CHUK: variants seen among roughly 807,000 people sequenced by gnomAD.
CHUK encodes the protein component of inhibitor of nuclear factor kappa B kinase complex.
CHUK carries 35 observed loss-of-function variants against 104.8 expected under a neutral mutation model. That is an observed-to-expected ratio of 0.33 (90% CI 0.26 to 0.44). The LOEUF is 0.44. CHUK is among the 20% of genes least tolerant of loss of function. CHUK has a pLI of 1.00. For synonymous variants in CHUK, 276 were observed against 291.9 expected (o/e 0.95, Z 0.56); for missense variants, 663 against 902.7 (o/e 0.73, Z 3.40).
chr10:100,205,934 CAAAA>C (rs1564834716), intron 11 of CHUK, among the ~76,000 whole-genome samples: 1 of 151,962 alleles, frequency 6.6e-6, no homozygotes, highest in African/African-American at 2.4e-5. Flanking sequence ...ATCTCAAAAA[CAAAA>C]CAAAAACAAA....
intron 19 of CHUK, 38 bp from the exon 20 acceptor site, chr10:100,191,006 A>G (rs772614895): frequency 1.7e-6 from 2 of 1,206,532 alleles, no homozygotes; most frequent in Non-Finnish European, 2.5e-6. Flanking sequence ...CAAACTCAGG[A>G]AAAGGGCATA....
chr10:100,221,304 G>A (rs916037730), intron 4 of CHUK, among the ~76,000 whole-genome samples: 34 of 152,080 alleles, frequency 2.2e-4, no homozygotes, highest in African/African-American at 7.2e-4. Flanking sequence ...GTGTGATGGC[G>A]GGCACCTGTA....
At chr10:100,187,492 G>A (rs1303246365), downstream of CHUK, 1 of 152,116 alleles carries the variant, frequency 6.6e-6, no homozygotes, top group Non-Finnish European at 1.5e-5. Flanking sequence ...CTTCCAAAAA[G>A]CAAAAAGAAT....
In CHUK at chr10:100,189,462, T is replaced by G. The variant is rs902053866; in HGVS notation, c.*136A>C. The G allele has an allele frequency of 5.4e-6, 4 of 747,494 alleles. No homozygotes were observed. Among genetic ancestry groups the G allele is most frequent in the Non-Finnish European group, 9.8e-6 (4 of 406,660 alleles). The allele number at this position is 747,494 out of a possible 1,614,324, so 46.3% of individuals were successfully genotyped here. A position where few individuals can be genotyped will look rare whatever the true frequency, so the allele number is the denominator to read the frequency against. ...TAAAATCATGTTCTTCTGATCATAGTAGAAATGTAGTTTCTGTTCATAGCC... is the reference window on the plus strand; with the variant it reads ...TAAAATCATGTTCTTCTGATCATAGGAGAAATGTAGTTTCTGTTCATAGCC... On this transcript the variant is annotated 3_prime_UTR_variant, in exon 21 of 21. Transcript: ENST00000370397.
chr10:100,202,666 T>C (rs1431761907), intron 13 of CHUK, among the ~76,000 whole-genome samples: 3 of 152,224 alleles, frequency 2.0e-5, no homozygotes, highest in Non-Finnish European at 4.4e-5. Context: ...TATGGGATTT[T>C]GTTATGGAAC....
chr10:100,199,293 C>T (rs1259668982), intron 16 of CHUK, among the ~76,000 whole-genome samples: 1 of 152,130 alleles, frequency 6.6e-6, no homozygotes, highest in Non-Finnish European at 1.5e-5. Flanking sequence ...CATACCTGAA[C>T]CCACTGCCTC....
intron 13 of CHUK, among the ~76,000 whole-genome samples, chr10:100,203,408 A>G (rs1205914215): frequency 6.6e-6 from 1 of 151,710 alleles, no homozygotes; most frequent in African/African-American, 2.4e-5. Flanking sequence ...AATGTCAATA[A>G]TATACAAATA....
At chr10:100,214,144 G>A (rs1250545553) in intron 9 of CHUK, among the ~76,000 whole-genome samples, 1 of 152,076 alleles carries the variant, frequency 6.6e-6, no homozygotes, top group Non-Finnish European at 1.5e-5. Flanking sequence ...ATGTCATCAT[G>A]GCATCTCACT....
In CHUK at chr10:100,193,048, T is replaced by C. The variant is rs893762564; in HGVS notation, c.2108+250A>G. 6 of 503,948 alleles carry C rather than the reference T, an allele frequency of 1.2e-5. No homozygotes were observed. The Admixed American group carries it at 2.0e-4, about 17-fold the overall frequency. The allele number at this position is 503,948 out of a possible 1,614,324, so 31.2% of individuals were successfully genotyped here. A position where few individuals can be genotyped will look rare whatever the true frequency, so the allele number is the denominator to read the frequency against. On this transcript the variant is annotated intron_variant, in intron 19 of 20. Coordinates refer to ENST00000370397, the MANE Select transcript of CHUK (RefSeq NM_001278.5). ...ATAATACGCAACATTTGCTGAACAT[T>C]TATTTCCCAAGCACTTTATATACAT...
intron 16 of CHUK, chr10:100,195,257 ATAAT>A (rs1303633596): frequency 3.3e-5 from 5 of 152,238 alleles, no homozygotes; most frequent in Non-Finnish European, 7.3e-5. Flanking sequence ...TCTTTGGACA[ATAAT>A]TAAGCCTAAA....
intron 13 of CHUK, among the ~76,000 whole-genome samples, chr10:100,203,127 A>ACT (rs959936245): frequency 6.6e-6 from 1 of 151,676 alleles, no homozygotes; most frequent in Non-Finnish European, 1.5e-5. Context: ...AACAGAAAAG[A>ACT]CTCTCTCTTC....
chr10:100,197,730 A>T (rs1170509495), intron 16 of CHUK, among the ~76,000 whole-genome samples: 1 of 152,126 alleles, frequency 6.6e-6, no homozygotes, highest in African/African-American at 2.4e-5. Context: ...CAGTATACTC[A>T]TATCTACGAG....
chr10:100,225,049 C>T (rs1344724070), intron 2 of CHUK, among the ~76,000 whole-genome samples: 2 of 151,946 alleles, frequency 1.3e-5, no homozygotes, highest in Admixed American at 6.6e-5. Flanking sequence ...GGGGTTTTGC[C>T]ATGTTGCCCA....
intron 5 of CHUK, among the ~76,000 whole-genome samples, chr10:100,219,766 A>G (rs1357377446): frequency 2.6e-5 from 4 of 152,178 alleles, no homozygotes; most frequent in Non-Finnish European, 4.4e-5. Flanking sequence ...TTGAAGAAGC[A>G]TCATACCTCC....
At chr10:100,194,231 G>T in intron 17 of CHUK, 100 bp from the exon 18 acceptor site, 1 of 1,359,236 alleles carries the variant, frequency 7.4e-7, no homozygotes, top group Non-Finnish European at 1.0e-6. Flanking sequence ...ATCAGCATCA[G>T]ATTTAATGAC....
At position 100,193,443 on chromosome 10, in the gene CHUK, GA is replaced by G. The variant is rs1364990837; in HGVS notation, c.1975-13del. ...GCAGAACTCTGTGTCTGAAGGAAAA[GA>G]AAAAAACATCAAAAGATTACAGGCA... On this transcript the variant is annotated splice_polypyrimidine_tract_variant and intron_variant, in intron 18 of 20. Transcript: ENST00000370397. 4.3e-6 allele frequency: 7 copies of G among 1,613,634 alleles called. No homozygotes were observed. The highest frequency in any genetic ancestry group is 1.7e-5 in the Admixed American group (1 of 59,966).
At chr10:100,193,168 A>G in intron 19 of CHUK, 130 bp downstream of exon 19, 1 of 1,012,850 alleles carries the variant, frequency 9.9e-7, no homozygotes, top group South Asian at 1.3e-5. Context: ...GTTGCCTAAG[A>G]TTATTACAAA....
At chr10:100,216,741 A>G (rs1467392981) in intron 9 of CHUK, among the ~76,000 whole-genome samples, 9 of 152,230 alleles carry the variant, frequency 5.9e-5, no homozygotes, top group Non-Finnish European at 1.0e-4. Flanking sequence ...ATACAAATGT[A>G]AAGACTATTG....
rs1241462959 is a variant in CHUK, at chr10:100,189,418, C to T, written c.*180G>A. 3.3e-6 allele frequency: 2 copies of T among 602,130 alleles called. No individual in the cohort carries two copies. The highest frequency in any genetic ancestry group is 3.7e-5 in the African/African-American group (2 of 53,908). The allele number at this position is 602,130 out of a possible 1,614,324, so 37.3% of individuals were successfully genotyped here. A position where few individuals can be genotyped will look rare whatever the true frequency, so the allele number is the denominator to read the frequency against. On this transcript the variant is annotated 3_prime_UTR_variant, in exon 21 of 21. Transcript: ENST00000370397. ...CCTGTCTGTTTAGAGGCTTGAATTA[C>T]TCAAAACTGTTATACTTGTAAAATC...
Sources: allele counts gnomAD v4.1 joint callset (sites outside exome capture counted in the v4.1 genomes callset), GRCh38; gene constraint gnomAD v4.1.1; transcripts MANE v1.5; gene names NCBI Gene and HGNC (gene_info 2026-07-23, HGNC 2026-07-21).